Variants in MACROD1 observed in about 807,000 individuals in gnomAD.
MACROD1 encodes the protein mono-ADP ribosylhydrolase 1, also known as ADP-ribose glycohydrolase MACROD1.
In MACROD1, 31 loss-of-function variants were observed where a neutral mutation model predicts 41.4. The ratio of observed to expected loss-of-function variants is 0.75; its 90% CI spans 0.56 to 1.01. The LOEUF (loss-of-function observed/expected upper bound fraction) is 1.01. Among genes scored for constraint, MACROD1 ranks in the 50% least tolerant of loss-of-function variants. MACROD1 has a pLI of 0.00. For missense variants in MACROD1, 473 were observed against 460.0 expected (o/e 1.03, Z -0.26); for synonymous variants, 252 against 203.4 (o/e 1.24, Z -2.03).
intron 3 of MACROD1, among the ~76,000 whole-genome samples, chr11:64,024,508 T>C (rs1442148037): frequency 6.6e-6 from 1 of 152,216 alleles, no homozygotes; most frequent in African/African-American, 2.4e-5. Flanking sequence ...ACTGAGCTGC[T>C]GCACTGCAGG....
At chr11:64,035,071 T>G (rs1042003154) in intron 3 of MACROD1, among the ~76,000 whole-genome samples, 6 of 152,198 alleles carry the variant, frequency 3.9e-5, no homozygotes, top group African/African-American at 7.2e-5. Flanking sequence ...ATTCAAGGTC[T>G]TCTTCATCTC....
intron 3 of MACROD1, chr11:64,117,608 G>A (rs201976310): frequency 9.9e-6 from 16 of 1,613,742 alleles, no homozygotes; most frequent in Middle Eastern, 3.3e-4. Flanking sequence ...AGGCCCTGAC[G>A]GCAGACTCCA....
At position 64,140,122 on chromosome 11, in the gene MACROD1, G is replaced by C. The variant is rs901460801; in HGVS notation, c.517+11117C>G. Among the ~76,000 whole-genome samples the C allele has an allele frequency of 1.6e-4, 24 of 152,268 alleles. No individual in the cohort carries two copies. In the East Asian group the frequency reaches 3.1e-3, roughly 20 times the overall value. ...ACCCCACCCCTGAAGGCCTTCAGGG[G>C]TCTTCTCTGGCAGCTTAGGCCTCAG... On this transcript the variant is annotated intron_variant, in intron 3 of 10. Coordinates refer to ENST00000255681, the MANE Select transcript of MACROD1 (RefSeq NM_014067.4).
intron 3 of MACROD1, among the ~76,000 whole-genome samples, chr11:64,031,183 G>C (rs1028855662): frequency 4.6e-5 from 7 of 152,102 alleles, no homozygotes; most frequent in African/African-American, 1.7e-4. Flanking sequence ...GCCCCTCCCT[G>C]CTCCCAGCAC....
chr11:64,022,498 T>C (rs1015289781), intron 3 of MACROD1, among the ~76,000 whole-genome samples: 25 of 152,180 alleles, frequency 1.6e-4, no homozygotes, highest in African/African-American at 5.8e-4. Context: ...GAGTTTGTTC[T>C]TGGAAATCGA....
intron 3 of MACROD1, chr11:64,148,926 G>A (rs1357685447): frequency 2.0e-6 from 2 of 985,364 alleles, no homozygotes; most frequent in Non-Finnish European, 2.4e-6. Context: ...CAAAGCCCTG[G>A]ACGGCTGAAA....
intron 3 of MACROD1, among the ~76,000 whole-genome samples, chr11:64,075,034 C>T (rs1197294312): frequency 6.6e-6 from 1 of 152,260 alleles, no homozygotes; most frequent in Non-Finnish European, 1.5e-5. Context: ...CCACCCTAGC[C>T]ACCTGTGTGC....
intron 3 of MACROD1, among the ~76,000 whole-genome samples, chr11:64,095,743 A>G (rs1944564129): frequency 6.6e-6 from 1 of 152,228 alleles, no homozygotes; most frequent in Admixed American, 6.5e-5. Context: ...GGTGCTGCAC[A>G]CTGGACCCCC....
At position 64,116,453 on chromosome 11, in the gene MACROD1, C is replaced by T. The variant is rs779934784; in HGVS notation, c.517+34786G>A. 13 of 1,614,076 alleles carry T rather than the reference C, an allele frequency of 8.1e-6. No individual in the cohort carries two copies. Among genetic ancestry groups the T allele is most frequent in the East Asian group, 6.7e-5 (3 of 44,872 alleles). On this transcript the variant is annotated intron_variant, in intron 3 of 10. Coordinates refer to ENST00000255681, the MANE Select transcript of MACROD1 (RefSeq NM_014067.4). Reference sequence around the variant, plus strand: ...GCCCCTCGGTGTGCCGCTGCGACAACGGCTTCATCTACTGCAACGACCGGG... The same window carrying T: ...GCCCCTCGGTGTGCCGCTGCGACAATGGCTTCATCTACTGCAACGACCGGG...
In MACROD1 at chr11:64,064,080, G is replaced by A. The variant is rs779106927; in HGVS notation, c.518-48799C>T. Among the ~76,000 whole-genome samples the A allele has an allele frequency of 2.6e-5, 4 of 152,136 alleles. No homozygotes were observed. The highest frequency in any genetic ancestry group is 5.9e-5 in the Non-Finnish European group (4 of 68,024). On this transcript the variant is annotated intron_variant, in intron 3 of 10. Coordinates refer to ENST00000255681, the MANE Select transcript of MACROD1 (RefSeq NM_014067.4). This position sits in a 1 kb window ranked among gnomAD's most constrained non-coding sequence, Gnocchi z 4.5. ...TGAACAGCGACACCCACACAAACCCGAGGTCTCTCTCTCTGCGCCCCCTAT... is the reference window on the plus strand; with the variant it reads ...TGAACAGCGACACCCACACAAACCCAAGGTCTCTCTCTCTGCGCCCCCTAT...
At chr11:64,141,645 C>A (rs1945415561) in intron 3 of MACROD1, among the ~76,000 whole-genome samples, 1 of 152,242 alleles carries the variant, frequency 6.6e-6, no homozygotes, top group South Asian at 2.1e-4. Context: ...CACATTCCCA[C>A]AAGCTCCGGC....
rs1357945018 is a variant in MACROD1, at chr11:64,064,135, T to G, written c.518-48854A>C. On this transcript the variant is annotated intron_variant, in intron 3 of 10. Transcript: ENST00000255681. This position sits in a 1 kb window ranked among gnomAD's most constrained non-coding sequence, Gnocchi z 4.5. ...CCAAGCCCCTCGGTCTCTCCCACTCTCCCTTTCAGCATCTTCTCTCTCTTG... is the reference window on the plus strand; with the variant it reads ...CCAAGCCCCTCGGTCTCTCCCACTCGCCCTTTCAGCATCTTCTCTCTCTTG... Among the ~76,000 whole-genome samples, 1 of 152,098 alleles carries G rather than the reference T, an allele frequency of 6.6e-6. No individual in the cohort carries two copies. Among genetic ancestry groups the G allele is most frequent in the Non-Finnish European group, 1.5e-5 (1 of 68,014 alleles).
At chr11:64,062,473 A>C (rs1271709602) in intron 3 of MACROD1, among the ~76,000 whole-genome samples, 1 of 152,188 alleles carries the variant, frequency 6.6e-6, no homozygotes, top group Non-Finnish European at 1.5e-5. Flanking sequence ...GGCTGCAGGA[A>C]GCATCACAGA....
intron 3 of MACROD1, among the ~76,000 whole-genome samples, chr11:64,023,850 C>T (rs1278799506): frequency 2.0e-5 from 3 of 152,206 alleles, no homozygotes; most frequent in African/African-American, 7.2e-5. Flanking sequence ...ACGCCTCTCC[C>T]CATAAAAGCC....
chr11:64,095,306 C>T, intron 3 of MACROD1, among the ~76,000 whole-genome samples: 1 of 152,148 alleles, frequency 6.6e-6, no homozygotes, highest in East Asian at 1.9e-4. Context: ...TTTCAATTAA[C>T]AACAAGAAAA....
intron 3 of MACROD1, among the ~76,000 whole-genome samples, chr11:64,115,018 G>T (rs752950952): frequency 1.3e-5 from 2 of 152,184 alleles, no homozygotes; most frequent in African/African-American, 2.4e-5. Flanking sequence ...TAAGGTCCCT[G>T]CTGGCTCAGT....
At chr11:63,999,608 C>T in intron 6 of MACROD1, 34 bp downstream of exon 6, 2 of 1,609,332 alleles carry the variant, frequency 1.2e-6, no homozygotes, top group African/African-American at 1.3e-5. Context: ...CACTGCGCCC[C>T]GCCTCCCGCC....
chr11:64,083,160 G>A (rs1264922976), intron 3 of MACROD1: 11 of 152,420 alleles, frequency 7.2e-5, no homozygotes, highest in African/African-American at 2.4e-4. Context: ...ATGGAGCCGG[G>A]TGCAGTGGCT....
chr11:64,159,113 A>G lies in MACROD1; in HGVS notation c.298+6584T>C, dbSNP rs145177220. ...GAGGCAGGTGGATCACGAGGTCAGG[A>G]GTTCGAGACCAGCCTGAACAACATG... On this transcript the variant is annotated intron_variant, in intron 1 of 10. Coordinates refer to ENST00000255681, the MANE Select transcript of MACROD1 (RefSeq NM_014067.4). Among the ~76,000 whole-genome samples, 1,435 of 152,092 alleles carry G rather than the reference A, an allele frequency of 9.4e-3. 17 individuals carry two copies. Among genetic ancestry groups the G allele is most frequent in the African/African-American group, 0.032 (1,341 of 41,478 alleles).
Sources: gnomAD v4.1 joint callset for allele counts (sites outside exome capture counted in the v4.1 genomes callset) on GRCh38, gnomAD v4.1.1 for gene constraint, Gnocchi (gnomAD v3.1) non-coding constraint, MANE v1.5 for transcripts, NCBI Gene and HGNC (gene_info 2026-07-23, HGNC 2026-07-21) for gene names.